TMEM131: variants seen among roughly 807,000 people sequenced by gnomAD.
TMEM131 encodes the protein transmembrane protein 131.
A neutral mutation model predicts 211.6 loss-of-function variants in TMEM131; 66 were observed. The ratio of observed to expected loss-of-function variants is 0.31; its 90% CI spans 0.26 to 0.38. The LOEUF is 0.38. Ranked by LOEUF, TMEM131 falls within the 10% of genes least tolerant of loss-of-function variation. The probability of loss-of-function intolerance (pLI) is 1.00; values close to 1 mark genes in which losing one functional copy is unlikely to be tolerated. For missense variants in TMEM131, 2,036 were observed against 2,299.3 expected, an observed-to-expected ratio of 0.89 and a Z score of 2.34; for synonymous variants, 844 against 841.3, an observed-to-expected ratio of 1.00 and a Z score of -0.06.
At chr2:97,771,863 C>T (rs1679483413) in intron 33 of TMEM131, among the ~76,000 whole-genome samples, 1 of 152,188 alleles carries the variant, frequency 6.6e-6, no homozygotes, top group Admixed American at 6.5e-5. Context: ...TAAGAATAAA[C>T]TTTTCCAAGT....
Position 97,775,892 on chromosome 2 carries a change from G to A in TMEM131, c.4271C>T (p.Ser1424Phe). 1 of 1,613,950 alleles carries A rather than the reference G, an allele frequency of 6.2e-7. No individual in the cohort carries two copies. The highest frequency in any genetic ancestry group is 2.2e-5 in the East Asian group (1 of 44,880). Reference sequence around the variant, plus strand: ...AGGGTTGGAGGTCTCTGTGGTGGTGGAGGAGCTATCATCATCAGCCAAAGA... The same window carrying A: ...AGGGTTGGAGGTCTCTGTGGTGGTGAAGGAGCTATCATCATCAGCCAAAGA... ...KDSLADDDSS[S>F]TTTETSNPDT... is the part of the protein sequence containing the mutation. Residue 1424 changes from serine to phenylalanine, a missense_variant, in exon 32 of 41, where the codon TCC (serine) becomes TTC (phenylalanine). Physicochemically the swap from Ser to Phe is radical, Grantham distance 155 (BLOSUM62 -2). Around this residue, in one of 3 missense-constraint regions of TMEM131, gnomAD observed 1,623 missense variants for 1,805.9 expected, o/e 0.90. Transcript: ENST00000186436.
chr2:97,828,255 A>G (rs1682492991), intron 11 of TMEM131, among the ~76,000 whole-genome samples: 1 of 152,190 alleles, frequency 6.6e-6, no homozygotes, highest in African/African-American at 2.4e-5. Context: ...TAATTACAAT[A>G]CATGGCTTTT....
At chr2:97,954,958 A>G (rs1361488488) in intron 1 of TMEM131, among the ~76,000 whole-genome samples, 1 of 152,096 alleles carries the variant, frequency 6.6e-6, no homozygotes, top group Non-Finnish European at 1.5e-5. Context: ...AACAAAGAAC[A>G]TTTCCCAACT....
intron 4 of TMEM131, among the ~76,000 whole-genome samples, chr2:97,878,880 A>G (rs527565174): frequency 2.0e-5 from 3 of 152,230 alleles, no homozygotes; most frequent in Admixed American, 2.0e-4. Flanking sequence ...CAAACAAACA[A>G]AAAAACCAAT....
In TMEM131 at chr2:97,801,898, G is replaced by A; in HGVS notation, c.2715C>T (p.Asn905=). ...LRTLEFQVFR[N]SAHPLQSSTG... ...AGTATGAAGTTTGAATACTTACACTGTTTCTGAAGACTTGAAATTCTAGTG... is the reference window on the plus strand; with the variant it reads ...AGTATGAAGTTTGAATACTTACACTATTTCTGAAGACTTGAAATTCTAGTG... The change falls in exon 25 of 41, where the codon AAC becomes AAT. Residue 905 remains asparagine, a synonymous_variant. Coordinates refer to ENST00000186436, the MANE Select transcript of TMEM131 (RefSeq NM_015348.2). The A allele has an allele frequency of 1.9e-6, 3 of 1,604,730 alleles. No homozygotes were observed. Among genetic ancestry groups the A allele is most frequent in the South Asian group, 2.2e-5 (2 of 89,898 alleles).
At chr2:97,826,871 G>A (rs1422547365) in intron 11 of TMEM131, among the ~76,000 whole-genome samples, 1 of 152,018 alleles carries the variant, frequency 6.6e-6, no homozygotes, top group Non-Finnish European at 1.5e-5. Flanking sequence ...AAGCACTGAG[G>A]TCACTGACAA....
At chr2:97,942,313 C>T (rs760542088) in intron 1 of TMEM131, among the ~76,000 whole-genome samples, 28 of 111,532 alleles carry the variant, frequency 2.5e-4, no homozygotes, top group East Asian at 2.3e-3. Context: ...CATCACACAC[C>T]GGGTCCTGTC....
chr2:97,818,684 A>C lies in TMEM131; in HGVS notation c.1112T>G (p.Val371Gly). 1 of 1,607,732 alleles carries C rather than the reference A, an allele frequency of 6.2e-7. No individual in the cohort carries two copies. The highest frequency in any genetic ancestry group is 8.5e-7 in the Non-Finnish European group (1 of 1,176,296). The change falls in exon 12 of 41, where the codon GTA becomes GGA. Residue 371 changes from valine (V) to glycine (G), a missense_variant. Transcript: ENST00000186436. Reference sequence around the variant, plus strand: ...TTTTAATGTAATTGGTTTAAAGTGTACCGTTATAGCATCATTTTGTGGTGT... The same window carrying C: ...TTTTAATGTAATTGGTTTAAAGTGTCCCGTTATAGCATCATTTTGTGGTGT... ...RPTPQNDAIT[V>G]HFKPITLKAS...
intron 2 of TMEM131, among the ~76,000 whole-genome samples, chr2:97,921,878 G>A (rs1276592240): frequency 6.6e-6 from 1 of 152,190 alleles, no homozygotes; most frequent in Non-Finnish European, 1.5e-5. Context: ...CTCCAGAACA[G>A]AAGGAGGGAA....
At chr2:97,939,111 T>G (rs993574468) in intron 1 of TMEM131, among the ~76,000 whole-genome samples, 2 of 151,832 alleles carry the variant, frequency 1.3e-5, no homozygotes, top group African/African-American at 4.8e-5. Context: ...ACATCACAAT[T>G]AAAAGAACTA....
Position 97,760,894 on chromosome 2 carries a change from G to T in TMEM131, c.4910C>A (p.Pro1637Gln), listed in dbSNP as rs1271015192. The T allele has an allele frequency of 2.5e-6, 4 of 1,613,994 alleles. No homozygotes were observed. The highest frequency in any genetic ancestry group is 3.4e-6 in the Non-Finnish European group (4 of 1,179,900). ...SSSSDPKIKQPNGSKHKLTKA... is the reference protein window; with the variant it reads ...SSSSDPKIKQQNGSKHKLTKA... Reference sequence around the variant, plus strand: ...TGTCAACTTGTGTTTGCTTCCATTTGGCTGTTTTATTTTAGGGTCACTTGA... The same window carrying T: ...TGTCAACTTGTGTTTGCTTCCATTTTGCTGTTTTATTTTAGGGTCACTTGA... The change falls in exon 37 of 41, where the codon CCA (proline) becomes CAA (glutamine). Residue 1637 changes from proline to glutamine, a missense_variant. Physicochemically the swap from Pro to Gln is moderately conservative, Grantham distance 76. Coordinates refer to ENST00000186436, the MANE Select transcript of TMEM131 (RefSeq NM_015348.2).
At chr2:97,876,065 A>T (rs1674681174) in intron 4 of TMEM131, among the ~76,000 whole-genome samples, 1 of 152,214 alleles carries the variant, frequency 6.6e-6, no homozygotes, top group African/African-American at 2.4e-5. Flanking sequence ...ACCATCAGAG[A>T]ATACTATAAA....
At chr2:97,952,088 C>T (rs1389038821) in intron 1 of TMEM131, among the ~76,000 whole-genome samples, 1 of 150,898 alleles carries the variant, frequency 6.6e-6, no homozygotes, top group Non-Finnish European at 1.5e-5. Context: ...ACCCGGGAGG[C>T]GGAGGGTGCA....
At chr2:97,871,952 G>C (rs977682243) in intron 4 of TMEM131, among the ~76,000 whole-genome samples, 1 of 151,472 alleles carries the variant, frequency 6.6e-6, no homozygotes, top group Non-Finnish European at 1.5e-5. Context: ...GGGGGGGAGT[G>C]GAGAATGGGA....
chr2:97,766,297 G>A (rs770322065), intron 34 of TMEM131, 34 bp from the exon 35 acceptor site: 1 of 1,613,072 alleles, frequency 6.2e-7, no homozygotes, highest in South Asian at 1.1e-5. Flanking sequence ...ATGGTTAATG[G>A]AGAATCATTC....
intron 5 of TMEM131, among the ~76,000 whole-genome samples, chr2:97,846,388 C>T (rs1017019066): frequency 1.3e-5 from 2 of 152,188 alleles, no homozygotes; most frequent in African/African-American, 2.4e-5. Flanking sequence ...TCTAGTTCAA[C>T]ATTCAAAAAT....
intron 1 of TMEM131, among the ~76,000 whole-genome samples, chr2:97,987,417 C>A (rs373330802): frequency 6.6e-6 from 1 of 152,008 alleles, no homozygotes; most frequent in Non-Finnish European, 1.5e-5. Context: ...GCAGGAGAAT[C>A]GCTTGAACCC....
At chr2:97,912,844 A>C (rs929555363) in intron 2 of TMEM131, among the ~76,000 whole-genome samples, 2 of 152,210 alleles carry the variant, frequency 1.3e-5, no homozygotes, top group African/African-American at 4.8e-5. Context: ...TCCCAACTCC[A>C]AAAGGGGATA....
intron 2 of TMEM131, among the ~76,000 whole-genome samples, chr2:97,923,726 T>C (rs1676852960): frequency 1.3e-5 from 2 of 151,978 alleles, no homozygotes; most frequent in East Asian, 3.9e-4. Context: ...AAATTCTATT[T>C]ATTATTCTGG....
Sources: gnomAD v4.1 joint callset for allele counts (sites outside exome capture counted in the v4.1 genomes callset) on GRCh38, gnomAD v4.1.1 for gene constraint, gnomAD v4.1.1 regional missense constraint, MANE v1.5 for transcripts, NCBI Gene and HGNC (gene_info 2026-07-23, HGNC 2026-07-21) for gene names.